Variants in MTREX observed in about 807,000 individuals in gnomAD.
MTREX encodes the protein Mtr4 exosome RNA helicase, also known as exosome RNA helicase MTR4.
In MTREX, 76 loss-of-function variants were observed where a neutral mutation model predicts 135.4. The ratio of observed to expected loss-of-function variants is 0.56; its 90% CI spans 0.47 to 0.68. The LOEUF (loss-of-function observed/expected upper bound fraction) is 0.68, where lower values mean the gene tolerates loss of function less well. Ranked by LOEUF, MTREX falls within the 30% of genes least tolerant of loss-of-function variation. The pLI, the probability that MTREX is intolerant of heterozygous loss-of-function variation, is 0.00. For synonymous variants in MTREX, 404 were observed against 401.6 expected (o/e 1.01, Z -0.07); for missense variants, 920 against 1,262.1 (o/e 0.73, Z 4.11).
chr5:55,312,873 C>T (rs1347956478), intron 1 of MTREX, among the ~76,000 whole-genome samples: 1 of 152,148 alleles, frequency 6.6e-6, no homozygotes, highest in Non-Finnish European at 1.5e-5. Context: ...TTTCTGGACT[C>T]ACTATACACT....
chr5:55,327,635 C>G (rs184910851), intron 3 of MTREX, 81 bp from the exon 4 acceptor site: 1 of 1,071,734 alleles, frequency 9.3e-7, no homozygotes, highest in East Asian at 2.4e-5. Context: ...TTTTCCAAAC[C>G]ATCATTCATT....
chr5:55,337,049 G>C (rs1157785286), intron 5 of MTREX, among the ~76,000 whole-genome samples: 2 of 152,058 alleles, frequency 1.3e-5, no homozygotes, highest in African/African-American at 4.8e-5. Context: ...ATTTCTTTGT[G>C]GGAAGATTTT....
chr5:55,327,817 A>G (rs755803686), intron 4 of MTREX, 39 bp downstream of exon 4: 2 of 1,400,492 alleles, frequency 1.4e-6, no homozygotes, highest in South Asian at 2.5e-5. Flanking sequence ...TAGTTTCGTG[A>G]GACTCTCTTT....
intron 14 of MTREX, chr5:55,357,145 G>T: frequency 1.3e-5 from 2 of 155,036 alleles, no homozygotes; most frequent in South Asian, 3.9e-4. Context: ...GCACAGCTCT[G>T]ACTCCCACAC....
intron 13 of MTREX, among the ~76,000 whole-genome samples, chr5:55,351,636 G>A (rs900284773): frequency 1.3e-5 from 2 of 152,278 alleles, no homozygotes; most frequent in Non-Finnish European, 2.9e-5. Context: ...ACTTCTTTCT[G>A]CATACAGAAT....
chr5:55,317,517 G>A (rs375790336), intron 1 of MTREX, among the ~76,000 whole-genome samples: 12 of 152,222 alleles, frequency 7.9e-5, no homozygotes, highest in South Asian at 6.2e-4. Context: ...CTAACAAAAC[G>A]AAGCAGTGGG....
intron 5 of MTREX, among the ~76,000 whole-genome samples, chr5:55,333,161 G>GT (rs1749503224): frequency 6.6e-6 from 1 of 152,156 alleles, no homozygotes; most frequent in Non-Finnish European, 1.5e-5. Context: ...GTAAGTCTCA[G>GT]TTTTTCTCTT....
intron 5 of MTREX, among the ~76,000 whole-genome samples, chr5:55,336,049 T>C (rs1178776652): frequency 1.3e-5 from 2 of 152,204 alleles, no homozygotes; most frequent in Non-Finnish European, 2.9e-5. Context: ...TTTGGATTGC[T>C]AATAGCTTGT....
intron 19 of MTREX, among the ~76,000 whole-genome samples, chr5:55,396,970 A>G (rs1050306674): frequency 6.6e-5 from 10 of 152,232 alleles, no homozygotes; most frequent in African/African-American, 2.4e-4. Flanking sequence ...CTAATGGAAT[A>G]TGCTGCTTTC....
chr5:55,380,748 G>A (rs969831820), intron 18 of MTREX, among the ~76,000 whole-genome samples: 1 of 152,160 alleles, frequency 6.6e-6, no homozygotes, highest in East Asian at 1.9e-4. Flanking sequence ...GTATTCATAG[G>A]AGATGTTGGT....
intron 16 of MTREX, among the ~76,000 whole-genome samples, chr5:55,367,410 C>T (rs891888762): frequency 1.3e-5 from 2 of 150,242 alleles, no homozygotes; most frequent in Admixed American, 1.3e-4. Context: ...CACTTGAACA[C>T]GGGAGGTGGA....
chr5:55,309,695 A>G (rs1197516896), intron 1 of MTREX, among the ~76,000 whole-genome samples: 1 of 152,184 alleles, frequency 6.6e-6, no homozygotes, highest in African/African-American at 2.4e-5. Flanking sequence ...TCCACTGGGT[A>G]GTTTTAATAG....
intron 5 of MTREX, among the ~76,000 whole-genome samples, chr5:55,333,369 G>A (rs1487178507): frequency 6.6e-6 from 1 of 151,992 alleles, no homozygotes; most frequent in African/African-American, 2.4e-5. Context: ...TCCTCCTAAG[G>A]CACAGGTATA....
intron 11 of MTREX, among the ~76,000 whole-genome samples, chr5:55,348,407 A>C (rs1337750351): frequency 2.0e-5 from 3 of 152,184 alleles, no homozygotes; most frequent in Admixed American, 2.0e-4. Context: ...CATTAACTTT[A>C]GGGGGACACA....
At chr5:55,337,419 A>G (rs891205821) in intron 5 of MTREX, among the ~76,000 whole-genome samples, 9 of 152,134 alleles carry the variant, frequency 5.9e-5, no homozygotes, top group African/African-American at 2.2e-4. Flanking sequence ...TGCTGGGATT[A>G]CAGGTGTGAG....
At chr5:55,330,767 A>G (rs1749463162) in intron 5 of MTREX, among the ~76,000 whole-genome samples, 1 of 151,708 alleles carries the variant, frequency 6.6e-6, no homozygotes, top group Non-Finnish European at 1.5e-5. Flanking sequence ...GACATTTTTT[A>G]CTGCAAATAT....
chr5:55,337,129 T>A (rs1356875618), intron 5 of MTREX, among the ~76,000 whole-genome samples: 1 of 152,066 alleles, frequency 6.6e-6, no homozygotes, highest in Non-Finnish European at 1.5e-5. Context: ...GAAATTTCTT[T>A]TTTTCTTTTA....
intron 25 of MTREX, among the ~76,000 whole-genome samples, chr5:55,422,325 T>C (rs1466758178): frequency 6.6e-6 from 1 of 152,188 alleles, no homozygotes; most frequent in Non-Finnish European, 1.5e-5. Context: ...GTAAAGAACG[T>C]ACTAATGAAA....
intron 20 of MTREX, 79 bp downstream of exon 20, chr5:55,397,605 T>C: frequency 1.3e-6 from 1 of 767,844 alleles, no homozygotes; most frequent in South Asian, 2.4e-5. Context: ...CTGAAATGCT[T>C]TTAAATATAT....
Sources: allele counts gnomAD v4.1 joint callset (sites outside exome capture counted in the v4.1 genomes callset), GRCh38; gene constraint gnomAD v4.1.1; transcripts MANE v1.5; gene names NCBI Gene and HGNC (gene_info 2026-07-23, HGNC 2026-07-21).